The following CLSTN2 variants were observed in gnomAD, a reference collection of about 807,000 sequenced individuals.
The protein encoded by CLSTN2 is calsyntenin-2.
Under a neutral mutation model 101.2 loss-of-function variants are expected in CLSTN2, and 48 were observed. The observed-to-expected ratio is 0.47, with a 90% CI of 0.38 to 0.60. CLSTN2 has a LOEUF of 0.60. Ranked by LOEUF, CLSTN2 falls within the 20% of genes least tolerant of loss-of-function variation. CLSTN2 has a pLI of 0.00. For synonymous variants in CLSTN2, 481 were observed against 463.6 expected (o/e 1.04, Z -0.48); for missense variants, 1,160 against 1,238.2 (o/e 0.94, Z 0.95).
intron 1 of CLSTN2, among the ~76,000 whole-genome samples, chr3:140,113,258 C>A (rs80219885): frequency 0.04 from 6,027 of 152,278 alleles, 168 homozygotes; most frequent in Non-Finnish European, 0.06. Flanking sequence ...ATATCAAATT[C>A]TGAACATCCA....
At chr3:140,067,791 G>C (rs2008323446) in intron 1 of CLSTN2, among the ~76,000 whole-genome samples, 1 of 152,150 alleles carries the variant, frequency 6.6e-6, no homozygotes, top group South Asian at 2.1e-4. Flanking sequence ...TTGCCTCATT[G>C]ACTTTTCAGT....
intron 9 of CLSTN2, 84 bp from the exon 10 acceptor site, chr3:140,546,431 T>C: frequency 4.2e-6 from 6 of 1,432,784 alleles, no homozygotes; most frequent in Non-Finnish European, 5.7e-6. Flanking sequence ...TCAAGGCGTC[T>C]TTGGCTGCAT....
intron 2 of CLSTN2, among the ~76,000 whole-genome samples, chr3:140,204,574 T>C (rs532176039): frequency 4.0e-4 from 61 of 152,128 alleles, no homozygotes; most frequent in Non-Finnish European, 6.5e-4. Context: ...AATCCTTGGA[T>C]TAGTTGATTG....
intron 2 of CLSTN2, among the ~76,000 whole-genome samples, chr3:140,188,793 G>A (rs1233481305): frequency 6.6e-6 from 1 of 152,088 alleles, no homozygotes; most frequent in Non-Finnish European, 1.5e-5. Flanking sequence ...ACCTTACTCA[G>A]TTTCCCCCAG....
intron 1 of CLSTN2, among the ~76,000 whole-genome samples, chr3:140,156,288 G>A (rs550430986): frequency 1.3e-5 from 2 of 152,188 alleles, no homozygotes; most frequent in South Asian, 2.1e-4. Context: ...CTTGTTCTAC[G>A]ATGTTTCAAT....
chr3:140,012,363 A>C (rs1395889791), intron 1 of CLSTN2, among the ~76,000 whole-genome samples: 2 of 152,124 alleles, frequency 1.3e-5, no homozygotes, highest in Non-Finnish European at 2.9e-5. Flanking sequence ...AGCAACAGAA[A>C]ATTCAATAAA....
intron 1 of CLSTN2, among the ~76,000 whole-genome samples, chr3:139,942,349 G>A (rs1935146120): frequency 6.6e-6 from 1 of 152,116 alleles, no homozygotes; most frequent in African/African-American, 2.4e-5. Flanking sequence ...CTTCTGCACT[G>A]TATAGTCCCA....
At chr3:139,942,957 G>A (rs1935157390) in intron 1 of CLSTN2, among the ~76,000 whole-genome samples, 1 of 152,172 alleles carries the variant, frequency 6.6e-6, no homozygotes, top group Non-Finnish European at 1.5e-5. Flanking sequence ...GTCCTCCCCA[G>A]AGATTGGCCA....
chr3:140,159,821 C>G (rs771875192), intron 1 of CLSTN2, among the ~76,000 whole-genome samples: 3 of 152,138 alleles, frequency 2.0e-5, no homozygotes, highest in African/African-American at 4.8e-5. Flanking sequence ...CCATGGAATA[C>G]TATGCAACCA....
intron 1 of CLSTN2, among the ~76,000 whole-genome samples, chr3:140,005,275 G>T (rs2006930390): frequency 1.3e-5 from 2 of 152,202 alleles, no homozygotes; most frequent in Admixed American, 6.5e-5. Flanking sequence ...ATCCGTGGGT[G>T]GATTTTTGCC....
In CLSTN2 at chr3:140,417,891, C is replaced by T. The variant is rs951475326; in HGVS notation, c.638-3234C>T. Reference sequence around the variant, plus strand: ...AATTCTGTGCTTTGAAACTCATTTTCACATGCACAAATTTGGTGGTGGTGG... The same window carrying T: ...AATTCTGTGCTTTGAAACTCATTTTTACATGCACAAATTTGGTGGTGGTGG... On this transcript the variant is annotated intron_variant, in intron 4 of 16. Coordinates refer to ENST00000458420, the MANE Select transcript of CLSTN2 (RefSeq NM_022131.3). 8.3e-4 allele frequency among the ~76,000 whole-genome samples: 127 copies of T among 152,328 alleles called. 2 individuals carry two copies. Among genetic ancestry groups the T allele is most frequent in the Non-Finnish European group, 5.0e-4 (34 of 68,030 alleles).
intron 1 of CLSTN2, among the ~76,000 whole-genome samples, chr3:140,109,878 T>A (rs2107794067): frequency 6.6e-6 from 1 of 152,248 alleles, no homozygotes; most frequent in African/African-American, 2.4e-5. Context: ...GTACAAGTCA[T>A]GCTCCTCTCT....
intron 2 of CLSTN2, among the ~76,000 whole-genome samples, chr3:140,369,926 T>C (rs766699666): frequency 3.9e-5 from 6 of 152,236 alleles, no homozygotes; most frequent in Non-Finnish European, 7.3e-5. Context: ...ATGTGTACTG[T>C]ATATCAAAAT....
intron 1 of CLSTN2, among the ~76,000 whole-genome samples, chr3:140,020,546 C>T (rs886431788): frequency 5.9e-5 from 9 of 152,178 alleles, no homozygotes; most frequent in African/African-American, 1.9e-4. Flanking sequence ...TGTCTGTAGA[C>T]AAGCTCAGTG....
chr3:140,139,464 C>T (rs2009663649), intron 1 of CLSTN2, among the ~76,000 whole-genome samples: 1 of 152,146 alleles, frequency 6.6e-6, no homozygotes, highest in Non-Finnish European at 1.5e-5. Flanking sequence ...TTCAATAGTT[C>T]ACAGCCTTGG....
intron 1 of CLSTN2, among the ~76,000 whole-genome samples, chr3:140,118,768 C>G (rs938658109): frequency 1.3e-5 from 2 of 152,142 alleles, no homozygotes; most frequent in African/African-American, 4.8e-5. Context: ...GTTTCTACAT[C>G]TTTGGAATAT....
At chr3:140,114,444 C>T (rs2009206952) in intron 1 of CLSTN2, among the ~76,000 whole-genome samples, 1 of 152,080 alleles carries the variant, frequency 6.6e-6, no homozygotes, top group South Asian at 2.1e-4. Context: ...CCCTCACTGG[C>T]CTGTAAGTTC....
intron 2 of CLSTN2, among the ~76,000 whole-genome samples, chr3:140,296,002 T>C (rs1419621688): frequency 1.3e-5 from 2 of 152,224 alleles, no homozygotes; most frequent in Non-Finnish European, 2.9e-5. Flanking sequence ...CCAATTCTTA[T>C]ATGTTGAATA....
chr3:140,099,993 A>G (rs1195191043), intron 1 of CLSTN2, among the ~76,000 whole-genome samples: 1 of 152,114 alleles, frequency 6.6e-6, no homozygotes, highest in African/African-American at 2.4e-5. Context: ...GCAATGCTGG[A>G]TGTTGGCCAT....
Sources: gnomAD v4.1 joint callset for allele counts (sites outside exome capture counted in the v4.1 genomes callset) on GRCh38, gnomAD v4.1.1 for gene constraint, MANE v1.5 for transcripts, NCBI Gene and HGNC (gene_info 2026-07-23, HGNC 2026-07-21) for gene names.